Variants in C5orf34 observed in about 807,000 individuals in gnomAD.
The protein encoded by C5orf34 is uncharacterized protein C5orf34.
Under a neutral mutation model 78.4 loss-of-function variants are expected in C5orf34, and 73 were observed. That is an observed-to-expected ratio of 0.93 (90% CI 0.77 to 1.13). The LOEUF is 1.13. C5orf34 is among the 50% of genes most tolerant of loss of function. The pLI, the probability that C5orf34 is intolerant of heterozygous loss-of-function variation, is 0.00. For synonymous variants in C5orf34, 251 were observed against 246.6 expected (o/e 1.02, Z -0.17); for missense variants, 730 against 732.7 (o/e 1.00, Z 0.04).
rs1745319635 is a variant in C5orf34, at chr5:43,492,326, A to G, written c.1486-17T>C. On this transcript the variant is annotated splice_polypyrimidine_tract_variant and intron_variant, in intron 9 of 12. Coordinates refer to ENST00000306862, the MANE Select transcript of C5orf34 (RefSeq NM_198566.4). ...TTGATTTACCTGAAGAAGTAGAAAG[A>G]TAAGTTTTATCATTTTAGAACTGAA... 1.3e-6 allele frequency: 2 copies of G among 1,509,380 alleles called. No individual in the cohort carries two copies. The highest frequency in any genetic ancestry group is 1.2e-5 in the South Asian group (1 of 86,300). The allele number at this position is 1,509,380 out of a possible 1,614,324, so 93.5% of individuals were successfully genotyped here.
intron 6 of C5orf34, among the ~76,000 whole-genome samples, chr5:43,499,602 C>T (rs1020305145): frequency 5.3e-5 from 8 of 152,158 alleles, no homozygotes; most frequent in Non-Finnish European, 1.0e-4. Context: ...AACATAGCTA[C>T]TTCAGTGTGT....
rs755282445 is a variant in C5orf34 at position 43,493,643 on chromosome 5, T to C, written c.1245-31A>G. Reference sequence around the variant, plus strand: ...AACACAAAAAATACTACTTAAACATTTGCAAATGACATTTTCCAATTCTAG... The same window carrying C: ...AACACAAAAAATACTACTTAAACATCTGCAAATGACATTTTCCAATTCTAG... On this transcript the variant is annotated intron_variant, in intron 7 of 12. Transcript: ENST00000306862. 4 of 1,319,878 alleles carry C rather than the reference T, an allele frequency of 3.0e-6. No homozygotes were observed. The South Asian group carries it at 5.4e-5, about 18-fold the overall frequency. The allele number at this position is 1,319,878 out of a possible 1,614,324, so 81.8% of individuals were successfully genotyped here.
At chr5:43,488,913 G>C (rs951588434) in intron 11 of C5orf34, among the ~76,000 whole-genome samples, 2 of 152,030 alleles carry the variant, frequency 1.3e-5, no homozygotes, top group Non-Finnish European at 2.9e-5. Flanking sequence ...TGTGTGACTT[G>C]TCTGCTTTAT....
Position 43,487,088 on chromosome 5 carries a change from G to A in C5orf34, c.1744C>T (p.Leu582=). 1 of 1,543,200 alleles carries A rather than the reference G, an allele frequency of 6.5e-7. No individual in the cohort carries two copies. Among genetic ancestry groups the A allele is most frequent in the Non-Finnish European group, 8.7e-7 (1 of 1,147,820 alleles). Residue 582 remains leucine (L), a synonymous_variant, in exon 13 of 13, where the codon CTA becomes TTA. Transcript: ENST00000306862. ...FNLLLENSGI[L]NQISNKKNEQ... is the part of the protein sequence containing the mutation. ...TTTTTCTTGTTAGAAATCTGGTTTA[G>A]GATACCACTATTTTCTAGTAGCACT...
At chr5:43,502,271 G>T (rs987383699) in intron 6 of C5orf34, 101 bp downstream of exon 6, 7 of 1,153,032 alleles carry the variant, frequency 6.1e-6, no homozygotes, top group African/African-American at 1.6e-5. Context: ...GGAGTAGGAA[G>T]CAATGTTATA....
chr5:43,509,640 A>G lies in C5orf34; in HGVS notation c.-36-265T>C, dbSNP rs566316802. Reference sequence around the variant, plus strand: ...CTGTCTTTATAATTTTAATAGCTTCACTTCTACTGAAATTTAATTTTTGTA... The same window carrying G: ...CTGTCTTTATAATTTTAATAGCTTCGCTTCTACTGAAATTTAATTTTTGTA... On this transcript the variant is annotated intron_variant, in intron 1 of 12. Transcript: ENST00000306862. Among the ~76,000 whole-genome samples the G allele has an allele frequency of 2.6e-5, 4 of 152,348 alleles. No homozygotes were observed. In the South Asian group the frequency reaches 8.3e-4, roughly 32 times the overall value.
intron 6 of C5orf34, among the ~76,000 whole-genome samples, chr5:43,498,240 C>T (rs1190534920): frequency 2.0e-5 from 3 of 152,056 alleles, no homozygotes; most frequent in African/African-American, 4.8e-5. Context: ...CTCAAAATAC[C>T]ATATTTTAAT....
rs765518351 is a variant in C5orf34, at chr5:43,492,316, A to T, written c.1486-7T>A. 1.3e-6 allele frequency: 2 copies of T among 1,554,270 alleles called. No individual in the cohort carries two copies. The highest frequency in any genetic ancestry group is 1.4e-5 in the African/African-American group (1 of 73,386). The stretch of plus-strand genomic sequence containing the variant: ...AGTTAAGACCTTGATTTACCTGAAG[A>T]AGTAGAAAGATAAGTTTTATCATTT... On this transcript the variant is annotated splice_region_variant and splice_polypyrimidine_tract_variant and intron_variant, in intron 9 of 12. Transcript: ENST00000306862.
intron 1 of C5orf34, 91 bp from the exon 2 acceptor site, chr5:43,509,466 G>A: frequency 1.5e-6 from 1 of 660,816 alleles, no homozygotes; most frequent in Non-Finnish European, 2.4e-6. Flanking sequence ...CTAAGAAGAT[G>A]ACATTGCCAT....
intron 1 of C5orf34, among the ~76,000 whole-genome samples, 164 bp downstream of exon 1, chr5:43,514,642 T>A (rs1746406571): frequency 6.6e-6 from 1 of 152,220 alleles, no homozygotes; most frequent in Non-Finnish European, 1.5e-5. Context: ...TCATTCCCGC[T>A]TGCGTTCTCA....
At chr5:43,494,891 CA>C in intron 6 of C5orf34, among the ~76,000 whole-genome samples, 1 of 151,996 alleles carries the variant, frequency 6.6e-6, no homozygotes, top group East Asian at 1.9e-4. Context: ...CTACCACATG[CA>C]AAAAAGAAAA....
At chr5:43,487,173 C>G in intron 12 of C5orf34, 62 bp from the exon 13 acceptor site, 5 of 749,984 alleles carry the variant, frequency 6.7e-6, no homozygotes, top group Non-Finnish European at 1.0e-5. Context: ...TCTTTATATA[C>G]AGAAAGCATA....
chr5:43,499,116 C>A (rs1745658574), intron 6 of C5orf34, among the ~76,000 whole-genome samples: 1 of 152,136 alleles, frequency 6.6e-6, no homozygotes, highest in Non-Finnish European at 1.5e-5. Context: ...GAAGAAAAAA[C>A]ATGAGGATGT....
chr5:43,495,847 C>T lies in C5orf34; in HGVS notation c.1153-1246G>A, dbSNP rs1477777644. ...CCTTGAGCCAAGGCATGTTAGCACTCGGCTCCAGCATGTTGTCACCATTCC... is the reference window on the plus strand; with the variant it reads ...CCTTGAGCCAAGGCATGTTAGCACTTGGCTCCAGCATGTTGTCACCATTCC... On this transcript the variant is annotated intron_variant, in intron 6 of 12. Coordinates refer to ENST00000306862, the MANE Select transcript of C5orf34 (RefSeq NM_198566.4). 133 of 1,590,914 alleles carry T rather than the reference C, an allele frequency of 8.4e-5. 2 individuals are homozygous for T. The South Asian group carries it at 1.2e-3, about 15-fold the overall frequency.
At position 43,502,409 on chromosome 5, in the gene C5orf34, T is replaced by C. The variant is rs1353976216; in HGVS notation, c.1115A>G (p.Tyr372Cys). 1 of 1,611,320 alleles carries C rather than the reference T, an allele frequency of 6.2e-7. No homozygotes were observed. Among genetic ancestry groups the C allele is most frequent in the Non-Finnish European group, 8.5e-7 (1 of 1,178,300 alleles). ...FKSEGAYFGN[Y>C]FTYYSIQEGS... is the part of the protein sequence containing the mutation. ...TTCTTGAATAGAATAATAAGTAAAA[T>C]AGTTCCCAAAATAAGCCCCTTCTGA... Residue 372 changes from tyrosine (Y) to cysteine (C), a missense_variant, in exon 6 of 13, where the codon TAT becomes TGT. Tyr to Cys is a radical substitution (Grantham distance 194, BLOSUM62 -2). Transcript: ENST00000306862.
Position 43,487,051 on chromosome 5 carries a change from G to A in C5orf34, c.1781C>T (p.Ser594Phe). The A allele has an allele frequency of 6.3e-7, 1 of 1,574,868 alleles. No homozygotes were observed. The highest frequency in any genetic ancestry group is 8.6e-7 in the Non-Finnish European group (1 of 1,162,310). The stretch of plus-strand genomic sequence containing the variant: ...AGATCCTGGTTTATAATGATCAAAA[G>A]ACTGTTGTTCATTTTTCTTGTTAGA... ...QISNKKNEQQ[S>F]FDHYKPGSSE... is the part of the protein sequence containing the mutation. The change falls in exon 13 of 13, where the codon TCT becomes TTT. Residue 594 changes from serine (S) to phenylalanine (F), a missense_variant. Transcript: ENST00000306862.
At chr5:43,492,354 AAAG>A in intron 9 of C5orf34, 45 bp from the exon 10 acceptor site, 1 of 1,245,976 alleles carries the variant, frequency 8.0e-7, no homozygotes, top group Non-Finnish European at 1.2e-6. Flanking sequence ...GAACTGAAAA[AAAG>A]AACATAAACA....
At chr5:43,500,775 T>C (rs954870684) in intron 6 of C5orf34, among the ~76,000 whole-genome samples, 6 of 152,226 alleles carry the variant, frequency 3.9e-5, no homozygotes, top group African/African-American at 1.2e-4. Context: ...TTTTCTGTAT[T>C]CTACTTAACA....
chr5:43,487,882 G>C, intron 12 of C5orf34, 27 bp downstream of exon 12: 1 of 1,547,762 alleles, frequency 6.5e-7, no homozygotes, highest in Non-Finnish European at 8.9e-7. Flanking sequence ...TAATTATGTA[G>C]GACAGTGCAT....
Sources: allele counts gnomAD v4.1 joint callset (sites outside exome capture counted in the v4.1 genomes callset), GRCh38; gene constraint gnomAD v4.1.1; transcripts MANE v1.5; gene names NCBI Gene and HGNC (gene_info 2026-07-23, HGNC 2026-07-21).